The following PKIB variants were observed in gnomAD, a reference collection of about 807,000 sequenced individuals.
PKIB encodes cAMP-dependent protein kinase inhibitor beta.
In PKIB, 2 loss-of-function variants were observed where a neutral mutation model predicts 4.5. That is an observed-to-expected ratio of 0.44 (90% CI 0.18 to 1.39). The LOEUF (loss-of-function observed/expected upper bound fraction) is 1.39. Among genes scored for constraint, PKIB ranks in the 40% most tolerant of loss-of-function variants. The pLI, the probability that PKIB is intolerant of heterozygous loss-of-function variation, is 0.27. For missense variants in PKIB, 94 were observed against 92.6 expected (o/e 1.02, Z -0.06); for synonymous variants, 38 against 36.0 (o/e 1.06, Z -0.20).
intron 1 of PKIB, among the ~76,000 whole-genome samples, chr6:122,623,639 A>G (rs1350427065): frequency 6.6e-6 from 1 of 152,162 alleles, no homozygotes; most frequent in African/African-American, 2.4e-5. Context: ...TACTCTCTGT[A>G]GGATCTACAT....
chr6:122,600,008 T>G (rs139285219), intron 3 of PKIB, among the ~76,000 whole-genome samples: 11 of 143,150 alleles, frequency 7.7e-5, no homozygotes, highest in African/African-American at 2.9e-4. Context: ...TATATCTATA[T>G]CTATATCTAT....
intron 2 of PKIB, among the ~76,000 whole-genome samples, chr6:122,562,014 T>G (rs980953310): frequency 7.6e-5 from 11 of 143,798 alleles, no homozygotes; most frequent in Non-Finnish European, 1.2e-4. Flanking sequence ...GTTTTTTTTT[T>G]TTTTTGCTTT....
At chr6:122,547,617 C>T (rs550741299) in intron 2 of PKIB, among the ~76,000 whole-genome samples, 26 of 151,180 alleles carry the variant, frequency 1.7e-4, no homozygotes, top group African/African-American at 6.4e-4. Context: ...GGATTACAGG[C>T]GTGAGCCACC....
chr6:122,483,250 GTAATT>G (rs1775678940), intron 2 of PKIB: 1 of 152,056 alleles, frequency 6.6e-6, no homozygotes, highest in Admixed American at 6.5e-5. Flanking sequence ...TTTGATGGAA[GTAATT>G]TAAACAACTA....
chr6:122,642,470 C>T (rs983830387), intron 2 of PKIB, among the ~76,000 whole-genome samples: 2 of 152,188 alleles, frequency 1.3e-5, no homozygotes, highest in African/African-American at 4.8e-5. Flanking sequence ...AGTCTGATAC[C>T]TTGCTTTCAC....
chr6:122,585,987 C>T, exon 3 of PKIB: 1 of 152,206 alleles, frequency 6.6e-6, no homozygotes, highest in East Asian at 1.9e-4. Context: ...AGAACTTGGA[C>T]ATACATACTT....
intron 4 of PKIB, among the ~76,000 whole-genome samples, chr6:122,719,082 G>C (rs1191194699): frequency 3.9e-5 from 6 of 152,154 alleles, no homozygotes; most frequent in Non-Finnish European, 7.4e-5. Flanking sequence ...ACCATAGGAA[G>C]ATGTCGTTGC....
intron 1 of PKIB, among the ~76,000 whole-genome samples, chr6:122,628,635 TTTC>T (rs780105299): frequency 4.6e-5 from 7 of 152,186 alleles, no homozygotes; most frequent in Non-Finnish European, 7.3e-5. Context: ...CAATTTCTGG[TTTC>T]TTATATCTAG....
chr6:122,667,277 G>C (rs1313429919), intron 2 of PKIB, among the ~76,000 whole-genome samples: 1 of 152,060 alleles, frequency 6.6e-6, no homozygotes. Context: ...GTTGTAAGTC[G>C]GCCAGGCGCC....
intron 3 of PKIB, among the ~76,000 whole-genome samples, chr6:122,714,927 GGT>G (rs1779419435): frequency 6.6e-6 from 1 of 151,912 alleles, no homozygotes; most frequent in African/African-American, 2.4e-5. Flanking sequence ...TGGGATCACA[GGT>G]GTGAGCCACC....
At chr6:122,625,207 C>T (rs1775384785) in intron 1 of PKIB, among the ~76,000 whole-genome samples, 1 of 152,270 alleles carries the variant, frequency 6.6e-6, no homozygotes, top group Middle Eastern at 3.4e-3. Flanking sequence ...TAAACTGATA[C>T]CTGAAAGATG....
At chr6:122,478,528 A>T (rs1775511055) in intron 2 of PKIB, 1 of 152,156 alleles carries the variant, frequency 6.6e-6, no homozygotes, top group Non-Finnish European at 1.5e-5. Context: ...ATGCTTTGAT[A>T]CGGGCATGGC....
At chr6:122,662,308 C>CTTTTTTTGTTTTTTTTT (rs1777031323) in intron 2 of PKIB, among the ~76,000 whole-genome samples, 1 of 13,252 alleles carries the variant, frequency 7.5e-5, no homozygotes, top group Non-Finnish European at 1.5e-4. Flanking sequence ...TCCTTGTCTC[C>CTTTTTTTGTTTTTTTTT]TTTTTTTTTT....
intron 2 of PKIB, among the ~76,000 whole-genome samples, chr6:122,670,778 C>A (rs1374392618): frequency 6.6e-6 from 1 of 152,100 alleles, no homozygotes; most frequent in Non-Finnish European, 1.5e-5. Flanking sequence ...TTCAATGTCA[C>A]CATGATTCAT....
intron 1 of PKIB, among the ~76,000 whole-genome samples, chr6:122,625,677 T>C (rs1433929719): frequency 6.6e-6 from 1 of 151,904 alleles, no homozygotes; most frequent in African/African-American, 2.4e-5. Context: ...AATTAACTTT[T>C]TTTAAAAAGC....
At chr6:122,572,978 T>C (rs1472717789) in intron 2 of PKIB, among the ~76,000 whole-genome samples, 2 of 152,192 alleles carry the variant, frequency 1.3e-5, no homozygotes, top group East Asian at 3.9e-4. Context: ...AAATCAGTAA[T>C]GAAAAAATTG....
intron 1 of PKIB, among the ~76,000 whole-genome samples, chr6:122,472,888 G>A (rs1328335456): frequency 6.6e-6 from 1 of 152,122 alleles, no homozygotes; most frequent in Non-Finnish European, 1.5e-5. Context: ...TGAGGCAGGC[G>A]GGTCACAAGG....
chr6:122,532,497 T>C, intron 2 of PKIB, among the ~76,000 whole-genome samples: 1 of 152,232 alleles, frequency 6.6e-6, no homozygotes, highest in East Asian at 1.9e-4. Context: ...AATGAAATTC[T>C]GTACTCATTA....
intron 3 of PKIB, among the ~76,000 whole-genome samples, chr6:122,595,127 G>T (rs374170279): frequency 6.6e-6 from 1 of 152,208 alleles, no homozygotes; most frequent in African/African-American, 2.4e-5. Flanking sequence ...ATCACTAGGG[G>T]TGATGGCGAG....
Sources: gnomAD v4.1 joint callset for allele counts (sites outside exome capture counted in the v4.1 genomes callset) on GRCh38, gnomAD v4.1.1 for gene constraint, MANE v1.5 for transcripts, NCBI Gene and HGNC (gene_info 2026-07-23, HGNC 2026-07-21) for gene names.